Variants in TANC1 observed in about 807,000 individuals in gnomAD.
TANC1 encodes protein TANC1.
Under a neutral mutation model 149.7 loss-of-function variants are expected in TANC1, and 77 were observed. That is an observed-to-expected ratio of 0.51 (90% CI 0.43 to 0.62). TANC1 has a LOEUF of 0.62. Among genes scored for constraint, TANC1 ranks in the 20% least tolerant of loss-of-function variants. The pLI is 0.00. For missense variants in TANC1, 1,985 were observed against 2,321.8 expected (o/e 0.85, Z 2.98); for synonymous variants, 854 against 925.0 (o/e 0.92, Z 1.39).
chr2:159,063,605 G>A (rs931411924), intron 2 of TANC1, among the ~76,000 whole-genome samples: 3 of 152,120 alleles, frequency 2.0e-5, no homozygotes, highest in Non-Finnish European at 4.4e-5. Flanking sequence ...GCTCCAGGTC[G>A]CAGTTTGAAT....
chr2:159,185,591 G>C (rs2056894688), intron 14 of TANC1, among the ~76,000 whole-genome samples, 200 bp from the exon 15 acceptor site: 1 of 152,198 alleles, frequency 6.6e-6, no homozygotes, highest in Admixed American at 6.5e-5. Context: ...ATGCATTCCA[G>C]AAACACATTT....
chr2:158,990,447 T>A (rs2035503514), intron 1 of TANC1, among the ~76,000 whole-genome samples: 1 of 152,160 alleles, frequency 6.6e-6, no homozygotes. Flanking sequence ...CATGAATTCA[T>A]CCTGAGGAGG....
intron 19 of TANC1, among the ~76,000 whole-genome samples, chr2:159,214,872 G>A (rs991250093): frequency 5.3e-5 from 8 of 152,224 alleles, no homozygotes; most frequent in Admixed American, 2.0e-4. Context: ...CTGGAGAAAT[G>A]TGGTGGCCTC....
At chr2:159,199,439 G>A (rs535529746) in intron 19 of TANC1, among the ~76,000 whole-genome samples, 13 of 152,300 alleles carry the variant, frequency 8.5e-5, no homozygotes, top group Middle Eastern at 3.4e-3. Flanking sequence ...ATCGTCACAC[G>A]AATCAAAGGC....
intron 2 of TANC1, among the ~76,000 whole-genome samples, chr2:159,051,016 T>C (rs905509696): frequency 3.3e-5 from 5 of 152,222 alleles, no homozygotes; most frequent in Non-Finnish European, 7.3e-5. Context: ...ACTGACATAT[T>C]TTGCTGTACC....
chr2:159,043,300 A>G (rs1368574852), intron 2 of TANC1, among the ~76,000 whole-genome samples: 1 of 151,968 alleles, frequency 6.6e-6, no homozygotes, highest in African/African-American at 2.4e-5. Context: ...TTCTATGGTC[A>G]TCTTCTTGGG....
intron 4 of TANC1, 47 bp downstream of exon 4, chr2:159,097,881 G>A (rs377449950): frequency 1.8e-4 from 276 of 1,545,132 alleles, no homozygotes; most frequent in Non-Finnish European, 2.3e-4. Context: ...TGTAGTACCT[G>A]CATTGAAAAT....
chr2:159,097,100 G>T lies in TANC1; in HGVS notation c.62-537G>T, dbSNP rs929384670. On this transcript the variant is annotated intron_variant, in intron 3 of 26. Coordinates refer to ENST00000263635, the MANE Select transcript of TANC1 (RefSeq NM_033394.3). ...GTTTGGGGCTGTTTGAGTTTTAGGA[G>T]GGTGGCCCTGTGTCATGGGGAGTGT... 2.6e-5 allele frequency among the ~76,000 whole-genome samples: 4 copies of T among 152,142 alleles called. No homozygotes were observed. In the East Asian group the frequency reaches 7.7e-4, roughly 29 times the overall value.
intron 2 of TANC1, among the ~76,000 whole-genome samples, chr2:159,044,959 C>T (rs62174280): frequency 0.054 from 8,258 of 152,322 alleles, 310 homozygotes; most frequent in Non-Finnish European, 0.083. Context: ...CAGAACTTTG[C>T]GGGATCCTGC....
At chr2:159,197,770 T>C (rs995970270) in intron 18 of TANC1, among the ~76,000 whole-genome samples, 23 of 152,046 alleles carry the variant, frequency 1.5e-4, no homozygotes, top group Non-Finnish European at 2.2e-4. Flanking sequence ...TTAAAGCTGG[T>C]TGGGAGGAAA....
At chr2:159,006,005 A>G (rs1256476821) in intron 2 of TANC1, among the ~76,000 whole-genome samples, 1 of 151,970 alleles carries the variant, frequency 6.6e-6, no homozygotes, top group African/African-American at 2.4e-5. Context: ...TAGTAATTAG[A>G]ATGTTATGGC....
At chr2:159,150,906 C>T (rs1442421296) in intron 7 of TANC1, 1 of 188,620 alleles carries the variant, frequency 5.3e-6, no homozygotes, top group East Asian at 1.4e-4. Flanking sequence ...AATGAAATTC[C>T]TGCATATTAA....
chr2:158,993,514 G>A (rs1010769957), intron 1 of TANC1, among the ~76,000 whole-genome samples: 6 of 152,070 alleles, frequency 3.9e-5, no homozygotes, highest in African/African-American at 1.2e-4. Flanking sequence ...TACCGTGCCC[G>A]CCTTTATTTT....
At chr2:159,053,587 A>G (rs1337355134) in intron 2 of TANC1, among the ~76,000 whole-genome samples, 1 of 152,212 alleles carries the variant, frequency 6.6e-6, no homozygotes, top group Non-Finnish European at 1.5e-5. Context: ...AGACTGTATA[A>G]AATTGCCCAG....
intron 1 of TANC1, among the ~76,000 whole-genome samples, chr2:158,970,875 A>G (rs979498472): frequency 6.6e-6 from 1 of 152,178 alleles, no homozygotes; most frequent in Admixed American, 6.5e-5. Flanking sequence ...TTTGGCACCA[A>G]GCCTTTTGGT....
intron 5 of TANC1, among the ~76,000 whole-genome samples, chr2:159,143,062 C>CAAAAAA (rs70994269): frequency 1.4e-4 from 12 of 87,352 alleles, no homozygotes; most frequent in East Asian, 9.5e-4. Flanking sequence ...GACTCTGTCT[C>CAAAAAA]AAAAAAAAAA....
intron 19 of TANC1, among the ~76,000 whole-genome samples, chr2:159,200,302 A>G (rs1331802976): frequency 6.6e-6 from 1 of 152,064 alleles, no homozygotes; most frequent in Non-Finnish European, 1.5e-5. Flanking sequence ...ATTCTGATTC[A>G]CTAGGGGGAA....
rs544355588 is a variant in TANC1 at position 159,230,522 on chromosome 2, C to A, written c.5096C>A (p.Thr1699Asn). ...SDGFKVQGPD[T>N]RIKDKVVTHV... ...GGCTTCAAGGTCCAAGGACCAGATA[C>A]TAGAATTAAAGACAAGGTTGTAACC... The change falls in exon 27 of 27, where the codon ACT becomes AAT. Residue 1699 changes from threonine to asparagine, a missense_variant. By Grantham distance (65) the Thr-to-Asn change is moderately conservative. Coordinates refer to ENST00000263635, the MANE Select transcript of TANC1 (RefSeq NM_033394.3). This position sits in a 1 kb window ranked among gnomAD's most constrained non-coding sequence, Gnocchi z 4.4. 1 of 1,614,210 alleles carries A rather than the reference C, an allele frequency of 6.2e-7. No individual in the cohort carries two copies. Among genetic ancestry groups the A allele is most frequent in the African/African-American group, 1.3e-5 (1 of 75,054 alleles).
At chr2:159,115,706 G>A (rs1158361139) in intron 4 of TANC1, among the ~76,000 whole-genome samples, 1 of 152,102 alleles carries the variant, frequency 6.6e-6, no homozygotes, top group African/African-American at 2.4e-5. Flanking sequence ...GAAGCTTGCC[G>A]AGCTCTAGCT....
Sources: gnomAD v4.1 joint callset for allele counts (sites outside exome capture counted in the v4.1 genomes callset) on GRCh38, gnomAD v4.1.1 for gene constraint, Gnocchi (gnomAD v3.1) non-coding constraint, MANE v1.5 for transcripts, NCBI Gene and HGNC (gene_info 2026-07-23, HGNC 2026-07-21) for gene names.